Variants in ARHGAP26 observed in about 807,000 individuals in gnomAD.
ARHGAP26 encodes the protein rho GTPase-activating protein 26.
Under a neutral mutation model 104.8 loss-of-function variants are expected in ARHGAP26, and 38 were observed. That is an observed-to-expected ratio of 0.36 (90% CI 0.28 to 0.48). The LOEUF (loss-of-function observed/expected upper bound fraction) is 0.48. ARHGAP26 is among the 20% of genes least tolerant of loss of function. The pLI is 0.99. For missense variants in ARHGAP26, 704 were observed against 947.9 expected, an observed-to-expected ratio of 0.74 and a Z score of 3.38; for synonymous variants, 341 against 340.0, an observed-to-expected ratio of 1.00 and a Z score of -0.03.
At chr5:142,812,290 T>C (rs1017247115) in intron 1 of ARHGAP26, among the ~76,000 whole-genome samples, 2 of 152,144 alleles carry the variant, frequency 1.3e-5, no homozygotes, top group Non-Finnish European at 2.9e-5. Flanking sequence ...GTCTCACTCT[T>C]TTGCCCAGGC....
At chr5:142,858,343 A>G (rs1033927681) in intron 1 of ARHGAP26, among the ~76,000 whole-genome samples, 2 of 152,218 alleles carry the variant, frequency 1.3e-5, no homozygotes, top group African/African-American at 4.8e-5. Flanking sequence ...CCTTGAAAAC[A>G]TTATAGGCAT....
In ARHGAP26 at chr5:142,798,575, A is replaced by G. The variant is rs1024748742; in HGVS notation, c.154+27660A>G. On this transcript the variant is annotated intron_variant, in intron 1 of 22. Coordinates refer to ENST00000645722, the MANE Select transcript of ARHGAP26 (RefSeq NM_001135608.3). ...TGTGTAGCATTTTAGGAAGTTGTAG[A>G]TTGCCTAAGAGCTGTCTTTCAAAAG... 3.3e-5 allele frequency among the ~76,000 whole-genome samples: 5 copies of G among 152,116 alleles called. 1 individual carries two copies. Among genetic ancestry groups the G allele is most frequent in the Admixed American group, 3.3e-4 (5 of 15,274 alleles).
intron 20 of ARHGAP26, among the ~76,000 whole-genome samples, chr5:143,148,021 T>C (rs544847420): frequency 6.6e-6 from 1 of 152,314 alleles, no homozygotes; most frequent in East Asian, 1.9e-4. Context: ...ATCAGAAAGT[T>C]CTCCCTCATG....
chr5:143,101,615 T>A (rs776481539), intron 17 of ARHGAP26, among the ~76,000 whole-genome samples: 1 of 152,122 alleles, frequency 6.6e-6, no homozygotes, highest in South Asian at 2.1e-4. Flanking sequence ...TCAGGTAATA[T>A]CTTTCTTTAA....
At chr5:143,023,612 AGGATCCTTTTG>A (rs1780636745) in intron 12 of ARHGAP26, among the ~76,000 whole-genome samples, 1 of 152,224 alleles carries the variant, frequency 6.6e-6, no homozygotes, top group Non-Finnish European at 1.5e-5. Context: ...ACCGGTAACC[AGGATCCTTTTG>A]GGATCAGAAC....
intron 14 of ARHGAP26, 61 bp downstream of exon 14, chr5:143,041,951 C>T: frequency 1.4e-6 from 2 of 1,446,390 alleles, no homozygotes; most frequent in Non-Finnish European, 9.5e-7. Flanking sequence ...TCTGAAAAGT[C>T]ACCAGGTCTG....
chr5:142,892,680 T>A (rs559856259), intron 5 of ARHGAP26, among the ~76,000 whole-genome samples: 7 of 149,820 alleles, frequency 4.7e-5, no homozygotes, highest in Non-Finnish European at 8.8e-5. Flanking sequence ...CTCACCCACT[T>A]ACCTTTTTTA....
rs1324390603 is a variant in ARHGAP26, at chr5:143,227,416, C to T, written c.*4970C>T. On this transcript the variant is annotated 3_prime_UTR_variant, in exon 23 of 23. Coordinates refer to ENST00000645722, the MANE Select transcript of ARHGAP26 (RefSeq NM_001135608.3). The stretch of plus-strand genomic sequence containing the variant: ...AGTCAGCAGGATGTCTTCTCACCCA[C>T]CCTGTGCTGGTGTCTAACAAATTTA... 4.3e-6 allele frequency: 1 copy of T among 231,200 alleles called. No homozygotes were observed. Among genetic ancestry groups the T allele is most frequent in the African/African-American group, 2.2e-5 (1 of 45,212 alleles). 14.3% of individuals were successfully genotyped at this position (231,200 alleles called of 1,614,324 possible).
intron 12 of ARHGAP26, among the ~76,000 whole-genome samples, chr5:143,023,524 TG>T (rs1233768812): frequency 2.0e-5 from 3 of 152,154 alleles, no homozygotes; most frequent in African/African-American, 4.8e-5. Flanking sequence ...AAAGAGGATT[TG>T]TTTTTCTTTT....
chr5:142,927,830 T>C (rs1420614063), intron 10 of ARHGAP26, among the ~76,000 whole-genome samples: 1 of 152,236 alleles, frequency 6.6e-6, no homozygotes, highest in Admixed American at 6.5e-5. Context: ...GTATTGGTTA[T>C]TGGTGGCCTT....
chr5:142,915,033 T>C (rs1209688683), intron 10 of ARHGAP26, among the ~76,000 whole-genome samples: 1 of 152,202 alleles, frequency 6.6e-6, no homozygotes, highest in Non-Finnish European at 1.5e-5. Flanking sequence ...CAAATTTGCT[T>C]TCTGAAGCTG....
At chr5:143,076,721 A>G (rs1181024421) in intron 17 of ARHGAP26, among the ~76,000 whole-genome samples, 1 of 152,160 alleles carries the variant, frequency 6.6e-6, no homozygotes, top group African/African-American at 2.4e-5. Context: ...TGGTATTTGT[A>G]TATGTGTTGT....
chr5:143,175,643 A>C (rs1368314077), intron 20 of ARHGAP26, among the ~76,000 whole-genome samples: 7 of 152,070 alleles, frequency 4.6e-5, no homozygotes, highest in Non-Finnish European at 8.8e-5. Flanking sequence ...TAGAAGTTTT[A>C]TACTATTGGG....
At chr5:142,963,200 G>GTATATA (rs1409082862) in intron 11 of ARHGAP26, among the ~76,000 whole-genome samples, 1,833 of 92,162 alleles carry the variant, frequency 0.02, 56 homozygotes, top group South Asian at 0.036. Context: ...ATATATATAT[G>GTATATA]TGTGTGTGTG....
intron 1 of ARHGAP26, among the ~76,000 whole-genome samples, chr5:142,843,729 TC>T (rs1355543582): frequency 2.6e-5 from 4 of 152,228 alleles, no homozygotes; most frequent in African/African-American, 7.2e-5. Context: ...GAATTATAAG[TC>T]AGGTTCTAAC....
intron 19 of ARHGAP26, among the ~76,000 whole-genome samples, chr5:143,144,729 T>C (rs1798959189): frequency 6.6e-6 from 1 of 152,232 alleles, no homozygotes; most frequent in Non-Finnish European, 1.5e-5. Context: ...TATTTCCTAA[T>C]TGACTCCAAA....
intron 11 of ARHGAP26, among the ~76,000 whole-genome samples, chr5:142,953,099 A>T (rs1768649374): frequency 6.6e-6 from 1 of 152,138 alleles, no homozygotes; most frequent in Non-Finnish European, 1.5e-5. Flanking sequence ...TAGTCCATGT[A>T]AGTTGTTCTG....
At chr5:143,098,231 ATTC>A in intron 17 of ARHGAP26, among the ~76,000 whole-genome samples, 1 of 152,348 alleles carries the variant, frequency 6.6e-6, no homozygotes, top group South Asian at 2.1e-4. Context: ...CAGACCATGT[ATTC>A]TTCTTTAATA....
At chr5:142,950,517 T>A (rs1243620570) in intron 11 of ARHGAP26, among the ~76,000 whole-genome samples, 1 of 152,208 alleles carries the variant, frequency 6.6e-6, no homozygotes, top group Non-Finnish European at 1.5e-5. Context: ...TTTCTATTCC[T>A]GGTTCACACA....
Sources: gnomAD v4.1 joint callset for allele counts (sites outside exome capture counted in the v4.1 genomes callset) on GRCh38, gnomAD v4.1.1 for gene constraint, MANE v1.5 for transcripts, NCBI Gene and HGNC (gene_info 2026-07-23, HGNC 2026-07-21) for gene names.